OXR1: variants seen among roughly 807,000 people sequenced by gnomAD.
OXR1 encodes oxidation resistance protein 1.
Under a neutral mutation model 104.6 loss-of-function variants are expected in OXR1, and 41 were observed. That is an observed-to-expected ratio of 0.39 (90% CI 0.31 to 0.51). The LOEUF is 0.51. Ranked by LOEUF, OXR1 falls within the 20% of genes least tolerant of loss-of-function variation. The probability of loss-of-function intolerance (pLI) is 0.77; values close to 1 mark genes in which losing one functional copy is unlikely to be tolerated. For missense variants in OXR1, 955 were observed against 1,031.9 expected (o/e 0.93, Z 1.02); for synonymous variants, 348 against 348.4 (o/e 1.00, Z 0.01).
intron 1 of OXR1, among the ~76,000 whole-genome samples, chr8:106,288,650 CACAT>C (rs1812609706): frequency 6.8e-6 from 1 of 146,830 alleles, no homozygotes. Context: ...TATATACACA[CACAT>C]ACTCTATCTA....
At chr8:106,657,946 G>A (rs1214963105) in intron 3 of OXR1, 1 of 1,247,670 alleles carries the variant, frequency 8.0e-7, no homozygotes, top group African/African-American at 1.6e-5. Context: ...CGAAACCGTC[G>A]ACCTCCTGGG....
intron 2 of OXR1, among the ~76,000 whole-genome samples, chr8:106,440,916 C>T (rs978218550): frequency 5.9e-5 from 9 of 152,078 alleles, no homozygotes; most frequent in African/African-American, 1.4e-4. Flanking sequence ...CTTCCCCATT[C>T]GTACCATATT....
chr8:106,362,528 G>C (rs1008368544), intron 2 of OXR1, among the ~76,000 whole-genome samples: 2 of 151,910 alleles, frequency 1.3e-5, no homozygotes, highest in Non-Finnish European at 2.9e-5. Context: ...AAATAATTTA[G>C]CCATTTCATG....
At chr8:106,347,513 C>T (rs60545981) in intron 1 of OXR1, among the ~76,000 whole-genome samples, 54,775 of 151,970 alleles carry the variant, frequency 0.36, 10,244 homozygotes, top group Admixed American at 0.44. Flanking sequence ...TATAACATAG[C>T]AATTCAACTA....
rs572588101 is a variant in OXR1 at position 106,583,558 on chromosome 8, G to T, written c.220+64419G>T. ...TCCTCAACTAAAATGACAGTAAAAG[G>T]ATTTTCTAAGAAGACATATGCCAAA... On this transcript the variant is annotated intron_variant, in intron 3 of 16. Transcript: ENST00000517566. 2.6e-5 allele frequency among the ~76,000 whole-genome samples: 4 copies of T among 152,208 alleles called. No homozygotes were observed. In the South Asian group the frequency reaches 8.3e-4, roughly 32 times the overall value.
At chr8:106,385,018 C>T (rs1817314945) in intron 2 of OXR1, among the ~76,000 whole-genome samples, 1 of 152,104 alleles carries the variant, frequency 6.6e-6, no homozygotes, top group African/African-American at 2.4e-5. Flanking sequence ...CCTGGCCTGT[C>T]TTAAAATTCT....
chr8:106,695,791 TTATC>T (rs71562116), intron 7 of OXR1, among the ~76,000 whole-genome samples: 18,583 of 152,130 alleles, frequency 0.12, 1,393 homozygotes, highest in East Asian at 0.33. Context: ...TTATGCCACT[TTATC>T]TTTTTTTGGT....
At chr8:106,567,695 G>C (rs1292835488) in intron 3 of OXR1, among the ~76,000 whole-genome samples, 2 of 152,156 alleles carry the variant, frequency 1.3e-5, no homozygotes, top group Non-Finnish European at 2.9e-5. Context: ...AGGACATGAA[G>C]TTTTCAGGAA....
intron 3 of OXR1, among the ~76,000 whole-genome samples, chr8:106,548,322 G>A (rs1259145707): frequency 6.6e-6 from 1 of 152,066 alleles, no homozygotes; most frequent in African/African-American, 2.4e-5. Context: ...CATCTTTCCT[G>A]ACCCCTGGTC....
At chr8:106,371,935 C>A (rs1816723557) in intron 2 of OXR1, among the ~76,000 whole-genome samples, 1 of 152,224 alleles carries the variant, frequency 6.6e-6, no homozygotes, top group African/African-American at 2.4e-5. Flanking sequence ...TGCTGCCCTT[C>A]CCCTGCCCAG....
intron 3 of OXR1, among the ~76,000 whole-genome samples, chr8:106,561,925 C>G (rs1422865086): frequency 6.6e-6 from 1 of 152,118 alleles, no homozygotes; most frequent in East Asian, 1.9e-4. Context: ...GGAATAGCAT[C>G]AACATCAACA....
intron 4 of OXR1, chr8:106,682,564 G>A (rs375383256): frequency 6.5e-4 from 100 of 154,266 alleles, no homozygotes; most frequent in Middle Eastern, 4.1e-3. Context: ...CACCGTGCCC[G>A]GCCTTCTTTA....
chr8:106,270,526 G>A (rs1255221269), intron 1 of OXR1, among the ~76,000 whole-genome samples, 159 bp downstream of exon 1: 1 of 152,226 alleles, frequency 6.6e-6, no homozygotes, highest in Non-Finnish European at 1.5e-5. Context: ...TTGAAAGCGG[G>A]TGGCCATTGG....
chr8:106,388,384 T>C (rs888488307), intron 2 of OXR1, among the ~76,000 whole-genome samples: 1 of 152,052 alleles, frequency 6.6e-6, no homozygotes, highest in Non-Finnish European at 1.5e-5. Context: ...ACTGCTCTTA[T>C]GCCATTTGTT....
chr8:106,692,493 T>C (rs1225550795), intron 6 of OXR1, among the ~76,000 whole-genome samples: 2 of 152,134 alleles, frequency 1.3e-5, no homozygotes, highest in African/African-American at 4.8e-5. Flanking sequence ...ATCTCCCTAT[T>C]AAAAATCACT....
At chr8:106,378,168 C>T (rs7833269) in intron 2 of OXR1, among the ~76,000 whole-genome samples, 35,794 of 152,040 alleles carry the variant, frequency 0.24, 5,851 homozygotes, top group African/African-American at 0.47. Flanking sequence ...GAAATATACC[C>T]ACTCAAATAT....
At chr8:106,688,467 C>T (rs1276797132) in intron 6 of OXR1, among the ~76,000 whole-genome samples, 4 of 151,308 alleles carry the variant, frequency 2.6e-5, no homozygotes, top group Admixed American at 6.6e-5. Context: ...CCTAGGAAGT[C>T]CTAAAGGAGG....
At chr8:106,342,886 T>C (rs1815314023) in intron 1 of OXR1, among the ~76,000 whole-genome samples, 1 of 152,178 alleles carries the variant, frequency 6.6e-6, no homozygotes, top group Non-Finnish European at 1.5e-5. Context: ...CTTAAAACCA[T>C]GTTCTGGAAA....
intron 2 of OXR1, among the ~76,000 whole-genome samples, chr8:106,405,141 CATATATATATATATATATATATA>C (rs1818164052): frequency 1.3e-5 from 1 of 79,882 alleles, no homozygotes; most frequent in Non-Finnish European, 2.7e-5. Context: ...TCAGAAACCA[CATATATATATATATATATATATA>C]TATATATATA....
Sources: gnomAD v4.1 joint callset for allele counts (sites outside exome capture counted in the v4.1 genomes callset) on GRCh38, gnomAD v4.1.1 for gene constraint, MANE v1.5 for transcripts, NCBI Gene and HGNC (gene_info 2026-07-23, HGNC 2026-07-21) for gene names.